Variants in TENM3 observed in about 807,000 individuals in gnomAD.
The protein encoded by TENM3 is teneurin transmembrane protein 3, also known as teneurin-3.
In TENM3, 63 loss-of-function variants were observed where a neutral mutation model predicts 255.1. The observed-to-expected ratio is 0.25, with a 90% CI of 0.20 to 0.30. The LOEUF (loss-of-function observed/expected upper bound fraction) is 0.30, where lower values mean the gene tolerates loss of function less well. TENM3 is among the 10% of genes least tolerant of loss of function. The pLI is 1.00. For synonymous variants in TENM3, 1,306 were observed against 1,322.3 expected (o/e 0.99, Z 0.27); for missense variants, 2,929 against 3,461.1 (o/e 0.85, Z 3.86).
intron 1 of TENM3, among the ~76,000 whole-genome samples, chr4:182,309,244 G>T (rs531064102): frequency 6.6e-6 from 1 of 152,332 alleles, no homozygotes; most frequent in Non-Finnish European, 1.5e-5. Context: ...ATCGCTGAGT[G>T]CGAATTTCCC....
the TENM3 span, among the ~76,000 whole-genome samples, chr4:181,622,685 T>C: frequency 6.6e-6 from 1 of 152,024 alleles, no homozygotes; most frequent in African/African-American, 2.4e-5. Context: ...CAAAAATAAA[T>C]AAATAAATAT....
the TENM3 span, among the ~76,000 whole-genome samples, chr4:181,961,641 G>A: frequency 5.3e-5 from 8 of 152,128 alleles, 1 homozygote; most frequent in South Asian, 8.3e-4. Context: ...AGATGGTCTC[G>A]ATCTCCTGAC....
chr4:182,296,246 T>G (rs1468276912), intron 1 of TENM3, among the ~76,000 whole-genome samples: 1 of 152,142 alleles, frequency 6.6e-6, no homozygotes, highest in Non-Finnish European at 1.5e-5. Flanking sequence ...TACAGGCTAT[T>G]TTTTAAGTTA....
chr4:182,013,234 T>C, the TENM3 span, among the ~76,000 whole-genome samples: 3 of 152,226 alleles, frequency 2.0e-5, no homozygotes, highest in African/African-American at 2.4e-5. Context: ...TGGAGTTTTT[T>C]CCTGTGTTTT....
chr4:181,863,593 C>T, the TENM3 span, among the ~76,000 whole-genome samples: 2 of 152,120 alleles, frequency 1.3e-5, no homozygotes, highest in Admixed American at 6.5e-5. Flanking sequence ...AGTTACCTGC[C>T]CTTTACACTC....
chr4:181,506,090 A>G, the TENM3 span, among the ~76,000 whole-genome samples: 29 of 152,322 alleles, frequency 1.9e-4, no homozygotes, highest in African/African-American at 6.0e-4. Context: ...GAAACTTTCC[A>G]TAGCATAGGA....
chr4:182,290,241 G>A (rs963762649), intron 1 of TENM3, among the ~76,000 whole-genome samples: 8 of 152,120 alleles, frequency 5.3e-5, no homozygotes, highest in Admixed American at 3.3e-4. Context: ...ATGAGTGAAC[G>A]AATGAACCGT....
intron 5 of TENM3, among the ~76,000 whole-genome samples, chr4:182,635,881 G>C (rs1581172245): frequency 6.6e-6 from 1 of 152,114 alleles, no homozygotes; most frequent in African/African-American, 2.4e-5. Flanking sequence ...ATTGATTATG[G>C]TAGTAGCTAT....
chr4:182,329,913 T>C (rs1206171738), intron 2 of TENM3, among the ~76,000 whole-genome samples: 1 of 151,940 alleles, frequency 6.6e-6, no homozygotes, highest in Middle Eastern at 3.2e-3. Context: ...TCTAGAAAAA[T>C]TCTTTAACTT....
the TENM3 span, among the ~76,000 whole-genome samples, chr4:181,796,054 C>T: frequency 6.6e-6 from 1 of 152,132 alleles, no homozygotes; most frequent in South Asian, 2.1e-4. Context: ...ATATGGGCTA[C>T]AGAATAAACA....
the TENM3 span, among the ~76,000 whole-genome samples, chr4:181,615,764 G>A: frequency 5.2e-4 from 79 of 152,266 alleles, no homozygotes; most frequent in African/African-American, 1.8e-3. Context: ...GATTGTGTTC[G>A]TCGTGATTGT....
chr4:182,663,384 T>G lies in TENM3; in HGVS notation c.1111+9491T>G, dbSNP rs567173957. ...ACTTACAATTATTAGTTGTACACAT[T>G]TGACTGAAAACAACCTAATTCTTAT... On this transcript the variant is annotated intron_variant, in intron 6 of 27. Transcript: ENST00000511685. Among the ~76,000 whole-genome samples the G allele has an allele frequency of 1.4e-4, 22 of 152,332 alleles. No individual in the cohort carries two copies. In the South Asian group the frequency reaches 4.1e-3, roughly 29 times the overall value.
At chr4:181,677,547 T>C in the TENM3 span, among the ~76,000 whole-genome samples, 1 of 152,136 alleles carries the variant, frequency 6.6e-6, no homozygotes, top group East Asian at 1.9e-4. Flanking sequence ...TACTCCTTTG[T>C]TTTAGCTGTG....
At position 182,652,411 on chromosome 4, in the gene TENM3, C is replaced by A. The variant is rs115543858; in HGVS notation, c.989-1360C>A. ...CCTGGAGTCCAGACTAAATAAAATA[C>A]CTCAGCAGTAAGAACTGTCCAGCTT... On this transcript the variant is annotated intron_variant, in intron 5 of 27. Transcript: ENST00000511685. Among the ~76,000 whole-genome samples, 969 of 152,268 alleles carry A rather than the reference C, an allele frequency of 6.4e-3. 17 individuals are homozygous for A. The highest frequency in any genetic ancestry group is 0.022 in the African/African-American group (932 of 41,550).
chr4:182,796,771 A>G lies in TENM3; in HGVS notation c.7344+4A>G. 1 of 1,599,620 alleles carries G rather than the reference A, an allele frequency of 6.3e-7. No individual in the cohort carries two copies. ...TCAGCAGTGGGATGATATACCGGTAAGAAACAAAAAGACCTACGGAAAGGT... is the reference window on the plus strand; with the variant it reads ...TCAGCAGTGGGATGATATACCGGTAGGAAACAAAAAGACCTACGGAAAGGT... On this transcript the variant is annotated splice_donor_region_variant and intron_variant, in intron 27 of 27. Transcript: ENST00000511685.
intron 24 of TENM3, among the ~76,000 whole-genome samples, chr4:182,783,743 C>T (rs1325211231): frequency 1.3e-5 from 2 of 152,174 alleles, no homozygotes; most frequent in African/African-American, 4.8e-5. Context: ...TTCTTGGGGG[C>T]TTTGCTCATT....
At chr4:182,554,590 T>C (rs1742399523) in intron 3 of TENM3, among the ~76,000 whole-genome samples, 2 of 152,086 alleles carry the variant, frequency 1.3e-5, no homozygotes, top group Non-Finnish European at 2.9e-5. Context: ...GATATTTAAT[T>C]TAATGTTCAT....
the TENM3 span, among the ~76,000 whole-genome samples, chr4:181,528,848 T>C: frequency 3.9e-5 from 6 of 152,086 alleles, no homozygotes; most frequent in Admixed American, 3.3e-4. Flanking sequence ...AAGGCAGAAA[T>C]GTGGAATGAA....
chr4:182,744,093 C>CTTTTTTTTTTTTTTTTTTTTTTTTCTT (rs957977132), intron 19 of TENM3: 1 of 389,972 alleles, frequency 2.6e-6, no homozygotes, highest in African/African-American at 3.2e-5. Flanking sequence ...ACTGTGCTTT[C>CTTTTTTTTTTTTTTTTTTTTTTTTCTT]TTTTTTTTTT....
Sources: gnomAD v4.1 joint callset for allele counts (sites outside exome capture counted in the v4.1 genomes callset) on GRCh38, gnomAD v4.1.1 for gene constraint, MANE v1.5 for transcripts, NCBI Gene and HGNC (gene_info 2026-07-23, HGNC 2026-07-21) for gene names.